Variants in NRXN3 observed in about 807,000 individuals in gnomAD.
NRXN3 encodes the protein neurexin III.
Under a neutral mutation model 137.6 loss-of-function variants are expected in NRXN3, and 32 were observed. The ratio of observed to expected loss-of-function variants is 0.23; its 90% CI spans 0.18 to 0.31. The LOEUF (loss-of-function observed/expected upper bound fraction) is 0.31. Among genes scored for constraint, NRXN3 ranks in the 10% least tolerant of loss-of-function variants. The pLI, the probability that NRXN3 is intolerant of heterozygous loss-of-function variation, is 1.00. For synonymous variants in NRXN3, 798 were observed against 784.5 expected, an observed-to-expected ratio of 1.02 and a Z score of -0.29; for missense variants, 1,574 against 2,062.5, an observed-to-expected ratio of 0.76 and a Z score of 4.59.
Position 78,265,298 on chromosome 14 carries a change from C to T in NRXN3, c.710-13347C>T, listed in dbSNP as rs529164435. 9.9e-5 allele frequency among the ~76,000 whole-genome samples: 15 copies of T among 151,966 alleles called. No individual in the cohort carries two copies. The South Asian group carries it at 3.1e-3, about 32-fold the overall frequency. On this transcript the variant is annotated intron_variant, in intron 2 of 20. Transcript: ENST00000335750. ...TAGGGGAGGTTAGAAGTAGGTTAGA[C>T]TTAATAGGTTTTTGTTAAGTTACCC... is the stretch of plus-strand genomic sequence containing the variant.
intron 15 of NRXN3, among the ~76,000 whole-genome samples, chr14:79,243,224 C>T (rs79132960): frequency 2.6e-5 from 4 of 151,942 alleles, no homozygotes; most frequent in South Asian, 2.1e-4. Context: ...AGGATTCCAC[C>T]GTCTACTAGG....
At chr14:79,630,469 ACTTTG>A (rs1435650130) in intron 16 of NRXN3, among the ~76,000 whole-genome samples, 16 of 152,302 alleles carry the variant, frequency 1.1e-4, no homozygotes, top group Admixed American at 2.0e-4. Context: ...TGTTCTTGTC[ACTTTG>A]GTCCTGGTTC....
intron 10 of NRXN3, among the ~76,000 whole-genome samples, chr14:78,946,152 T>C (rs978415560): frequency 6.6e-6 from 1 of 152,230 alleles, no homozygotes; most frequent in Non-Finnish European, 1.5e-5. Context: ...CTTAGAATAG[T>C]GTCTTATGAC....
chr14:78,200,482 C>A (rs2061578686), intron 1 of NRXN3, among the ~76,000 whole-genome samples: 1 of 152,130 alleles, frequency 6.6e-6, no homozygotes, highest in Admixed American at 6.5e-5. Context: ...GGCCCCACCC[C>A]AGACTTCCTG....
At chr14:79,272,470 C>T (rs2079504360) in intron 15 of NRXN3, among the ~76,000 whole-genome samples, 1 of 152,028 alleles carries the variant, frequency 6.6e-6, no homozygotes, top group East Asian at 1.9e-4. Context: ...TGAAATACTA[C>T]ATAAATCCAA....
In NRXN3 at chr14:78,636,491, A is replaced by C. The variant is rs148087380; in HGVS notation, c.758-8629A>C. ...TACTACAGCACCAAGCAGATGAATC[A>C]CTGCAGGAGAATGAATAAAGGAGAC... On this transcript the variant is annotated intron_variant, in intron 4 of 20. Transcript: ENST00000335750. Among the ~76,000 whole-genome samples, 592 of 152,210 alleles carry C rather than the reference A, an allele frequency of 3.9e-3. 3 individuals are homozygous for C. Among genetic ancestry groups the C allele is most frequent in the African/African-American group, 0.014 (568 of 41,538 alleles).
intron 15 of NRXN3, among the ~76,000 whole-genome samples, chr14:79,111,345 C>A (rs2053481563): frequency 6.6e-6 from 1 of 152,156 alleles, no homozygotes; most frequent in Non-Finnish European, 1.5e-5. Flanking sequence ...TCAATTTCAT[C>A]AGTATTCTTT....
At chr14:78,805,169 T>C (rs1465659093) in intron 9 of NRXN3, among the ~76,000 whole-genome samples, 5 of 152,164 alleles carry the variant, frequency 3.3e-5, no homozygotes, top group Non-Finnish European at 1.5e-5. Context: ...TATGTCTTTT[T>C]TTTTTCTTCT....
intron 15 of NRXN3, among the ~76,000 whole-genome samples, chr14:79,445,518 T>G (rs2096048721): frequency 1.3e-5 from 2 of 152,142 alleles, no homozygotes; most frequent in African/African-American, 4.8e-5. Flanking sequence ...AGGCAACAGT[T>G]GTAGAGAACA....
Position 78,243,124 on chromosome 14 carries a change from A to T in NRXN3, c.31A>T (p.Thr11Ser), listed in dbSNP as rs1002365925. 6.5e-7 allele frequency: 1 copy of T among 1,539,182 alleles called. No individual in the cohort carries two copies. Among genetic ancestry groups the T allele is most frequent in the Admixed American group, 1.9e-5 (1 of 51,600 alleles). The change falls in exon 2 of 21, where the codon ACC becomes TCC. Residue 11 changes from threonine (T) to serine (S), a missense_variant. Thr to Ser is a moderately conservative substitution (Grantham distance 58). Around this residue, in one of 5 missense-constraint regions of NRXN3, gnomAD observed 400 missense variants for 527.3 expected, o/e 0.76. Coordinates refer to ENST00000335750, the MANE Select transcript of NRXN3 (RefSeq NM_001330195.2). This position sits in a 1 kb window ranked among gnomAD's most constrained non-coding sequence, Gnocchi z 4.2. The part of the protein sequence containing the change: MSSTLHSVFF[T>S]LKVSILLGSL... ...CTCCACACTCCACTCGGTTTTCTTCACCCTGAAGGTCAGCATCCTGCTGGG... is the reference window on the plus strand; with the variant it reads ...CTCCACACTCCACTCGGTTTTCTTCTCCCTGAAGGTCAGCATCCTGCTGGG...
intron 15 of NRXN3, among the ~76,000 whole-genome samples, chr14:79,202,619 A>G (rs1172037063): frequency 6.6e-6 from 1 of 152,152 alleles, no homozygotes; most frequent in Non-Finnish European, 1.5e-5. Context: ...CATATCAGTG[A>G]GAACATACGA....
intron 19 of NRXN3, among the ~76,000 whole-genome samples, chr14:79,738,315 C>CCACACACACACA (rs10539564): frequency 0.016 from 2,246 of 138,004 alleles, 35 homozygotes; most frequent in African/African-American, 0.035. Flanking sequence ...ATTTCCCCCG[C>CCACACACACACA]CACACACACA....
intron 4 of NRXN3, among the ~76,000 whole-genome samples, chr14:78,516,077 C>T (rs532011363): frequency 6.6e-6 from 1 of 152,198 alleles, no homozygotes; most frequent in African/African-American, 2.4e-5. Context: ...CCATGGTATT[C>T]ATCACCAGTG....
At position 78,889,632 on chromosome 14, in the gene NRXN3, G is replaced by C. The variant is rs186738188; in HGVS notation, c.2276-67610G>C. Among the ~76,000 whole-genome samples, 150 of 152,040 alleles carry C rather than the reference G, an allele frequency of 9.9e-4. 1 individual carries two copies. Among genetic ancestry groups the C allele is most frequent in the African/African-American group, 3.5e-3 (145 of 41,506 alleles). On this transcript the variant is annotated intron_variant, in intron 10 of 20. Coordinates refer to ENST00000335750, the MANE Select transcript of NRXN3 (RefSeq NM_001330195.2). ...ATTTAAAGAGTACCTGATAAGAGCT[G>C]GTACTCTGAGTACTGAGCACTGAGT...
At chr14:78,917,363 G>T (rs1036811130) in intron 10 of NRXN3, among the ~76,000 whole-genome samples, 1 of 152,070 alleles carries the variant, frequency 6.6e-6, no homozygotes, top group South Asian at 2.1e-4. Flanking sequence ...TGGATACTAG[G>T]GTTATTACCT....
rs540087458 is a variant in NRXN3, at chr14:79,050,990, A to C, written c.3262+62849A>C. 2.8e-3 allele frequency among the ~76,000 whole-genome samples: 430 copies of C among 152,324 alleles called. 4 individuals carry two copies. The highest frequency in any genetic ancestry group is 9.3e-3 in the African/African-American group (388 of 41,582). On this transcript the variant is annotated intron_variant, in intron 15 of 20. Transcript: ENST00000335750. ...AGAACTCCTTTGAATATTTTACATA[A>C]CATTAACTTAATCTTCACAATATCC...
intron 15 of NRXN3, among the ~76,000 whole-genome samples, chr14:79,020,731 A>G (rs2099588187): frequency 6.6e-6 from 1 of 152,094 alleles, no homozygotes; most frequent in South Asian, 2.1e-4. Context: ...ATCTTGGGGA[A>G]AGTAAGTCAT....
In NRXN3 at chr14:79,742,659, T is replaced by C. The variant is rs1160347751; in HGVS notation, c.4014+44722T>C. ...GGTTTTTGAAAAAAGGACTATTGCC[T>C]GGCCCACTGTATGACATTTGATTTA... On this transcript the variant is annotated intron_variant, in intron 19 of 20. Transcript: ENST00000335750. 2.6e-5 allele frequency among the ~76,000 whole-genome samples: 4 copies of C among 152,228 alleles called. No individual in the cohort carries two copies. In the East Asian group the frequency reaches 7.7e-4, roughly 29 times the overall value.
intron 15 of NRXN3, among the ~76,000 whole-genome samples, chr14:79,461,286 T>A (rs2096336223): frequency 6.6e-6 from 1 of 152,210 alleles, no homozygotes; most frequent in African/African-American, 2.4e-5. Context: ...TCAAGTTGTT[T>A]AATCTCCTTG....
Sources: gnomAD v4.1 joint callset for allele counts (sites outside exome capture counted in the v4.1 genomes callset) on GRCh38, gnomAD v4.1.1 for gene constraint, gnomAD v4.1.1 regional missense constraint, Gnocchi (gnomAD v3.1) non-coding constraint, MANE v1.5 for transcripts, NCBI Gene and HGNC (gene_info 2026-07-23, HGNC 2026-07-21) for gene names.